The following ATF6B variants were observed in gnomAD, a reference collection of about 807,000 sequenced individuals.
The protein encoded by ATF6B is cyclic AMP-dependent transcription factor ATF-6 beta.
In ATF6B, 50 loss-of-function variants were observed where a neutral mutation model predicts 83.5. The observed-to-expected ratio is 0.60, with a 90% CI of 0.48 to 0.76. ATF6B has a LOEUF of 0.76. ATF6B is among the 30% of genes least tolerant of loss of function. The probability of loss-of-function intolerance (pLI) is 0.00; values close to 1 mark genes in which losing one functional copy is unlikely to be tolerated. For synonymous variants in ATF6B, 344 were observed against 362.8 expected, an observed-to-expected ratio of 0.95 and a Z score of 0.59; for missense variants, 790 against 893.8, an observed-to-expected ratio of 0.88 and a Z score of 1.48.
At chr6:32,126,870 A>G (rs1201513803) in intron 4 of ATF6B, among the ~76,000 whole-genome samples, 3 of 152,108 alleles carry the variant, frequency 2.0e-5, no homozygotes, top group Admixed American at 1.3e-4. Flanking sequence ...AAAAAAAAGC[A>G]AAAAACAAAA....
At chr6:32,126,382 G>T in intron 4 of ATF6B, 130 bp from the exon 5 acceptor site, 1 of 1,127,500 alleles carries the variant, frequency 8.9e-7, no homozygotes, top group Non-Finnish European at 1.2e-6. Flanking sequence ...TTGACATTCT[G>T]GTCTGAATGG....
chr6:32,127,933 C>T (rs1471552838), intron 1 of ATF6B, among the ~76,000 whole-genome samples, 183 bp from the exon 2 acceptor site: 2 of 152,122 alleles, frequency 1.3e-5, no homozygotes, highest in Admixed American at 1.3e-4. Flanking sequence ...CTCGACGTTC[C>T]AGCAGGGAGC....
chr6:32,118,926 G>T lies in ATF6B; in HGVS notation c.1152+30C>A. ...ATCATTCCAAGGAGGCTGTATTCCT[G>T]TTGGTCTCCCAGGGACAGACTGGTC... is the stretch of plus-strand genomic sequence containing the variant. On this transcript the variant is annotated intron_variant, in intron 10 of 17. Coordinates refer to ENST00000375203, the MANE Select transcript of ATF6B (RefSeq NM_004381.5). This position sits in a 1 kb window ranked among gnomAD's most constrained non-coding sequence, Gnocchi z 5.2. 1 of 1,614,158 alleles carries T rather than the reference G, an allele frequency of 6.2e-7. No homozygotes were observed. The highest frequency in any genetic ancestry group is 8.5e-7 in the Non-Finnish European group (1 of 1,179,998).
At chr6:32,127,351 C>T (rs915482197) in intron 3 of ATF6B, 91 bp downstream of exon 3, 2 of 1,443,706 alleles carry the variant, frequency 1.4e-6, no homozygotes, top group African/African-American at 1.4e-5. Flanking sequence ...TATGTAGAAG[C>T]GTGAGGATAT....
chr6:32,127,058 G>C, intron 4 of ATF6B, 45 bp downstream of exon 4: 1 of 1,439,730 alleles, frequency 6.9e-7, no homozygotes, highest in Non-Finnish European at 9.4e-7. Flanking sequence ...AGGGAATGAA[G>C]CAGAGTCCCC....
chr6:32,120,042 G>A, intron 8 of ATF6B, 85 bp from the exon 9 acceptor site: 2 of 1,494,710 alleles, frequency 1.3e-6, no homozygotes, highest in Non-Finnish European at 1.8e-6. Context: ...CCAAGGATTG[G>A]GCAGCCTCAA....
Position 32,121,316 on chromosome 6 carries a change from A to G in ATF6B, c.511T>C (p.Cys171Arg). Residue 171 changes from cysteine to arginine, a missense_variant, in exon 6 of 18, where the codon TGT (cysteine) becomes CGT (arginine). Cys to Arg is a radical substitution (Grantham distance 180, BLOSUM62 -3). Around this residue, in one of 3 missense-constraint regions of ATF6B, gnomAD observed 253 missense variants for 243.1 expected, o/e 1.04. Transcript: ENST00000375203. Reference protein sequence around the residue: ...VQTKIEPVSPCSSVNSEASLL... With the variant: ...VQTKIEPVSPRSSVNSEASLL... ...GAGGCCTCAGAGTTGACGGAAGAAC[A>G]TGGAGAGACAGGTTCTATCTTGGTC... 1.2e-6 allele frequency: 2 copies of G among 1,614,112 alleles called. No individual in the cohort carries two copies. Among genetic ancestry groups the G allele is most frequent in the Admixed American group, 1.7e-5 (1 of 60,018 alleles).
At position 32,117,940 on chromosome 6, in the gene ATF6B, A is replaced by C; in HGVS notation, c.1343T>G (p.Val448Gly). 1 of 1,612,294 alleles carries C rather than the reference A, an allele frequency of 6.2e-7. No individual in the cohort carries two copies. Residue 448 changes from valine (V) to glycine (G), a missense_variant, in exon 12 of 18, where the codon GTT (valine) becomes GGT (glycine). Physicochemically the swap from Val to Gly is moderately radical, Grantham distance 109. This residue lies in a region of ATF6B where 530 missense variants were observed against 632.6 expected (regional missense o/e 0.84). Coordinates refer to ENST00000375203, the MANE Select transcript of ATF6B (RefSeq NM_004381.5). The surrounding 1 kb of genome is among the most constrained non-coding windows in gnomAD (Gnocchi z 5.0). Reference sequence around the variant, plus strand: ...CCCCTGGAGAGGTTCAACTCCCTGAACTGGCTCTTGCTCTGAGAACCCCAG... The same window carrying C: ...CCCCTGGAGAGGTTCAACTCCCTGACCTGGCTCTTGCTCTGAGAACCCCAG... ...HLLGFSEQEP[V>G]QGVEPLQGSS...
chr6:32,125,516 C>T lies in ATF6B; in HGVS notation c.478+601G>A, dbSNP rs1167883343. Among the ~76,000 whole-genome samples, 4 of 152,272 alleles carry T rather than the reference C, an allele frequency of 2.6e-5. No homozygotes were observed. The highest frequency in any genetic ancestry group is 9.6e-5 in the African/African-American group (4 of 41,556). On this transcript the variant is annotated intron_variant, in intron 5 of 17. Coordinates refer to ENST00000375203, the MANE Select transcript of ATF6B (RefSeq NM_004381.5). This position sits in a 1 kb window ranked among gnomAD's most constrained non-coding sequence, Gnocchi z 4.1. ...ATGGCTCACGCCTGTAATCTCAGCA[C>T]TTTGGGAGGCGGAGGTAGGCGACTC...
Position 32,120,914 on chromosome 6 carries a change from T to C in ATF6B, c.701-12A>G, listed in dbSNP as rs1251615346. 2 of 1,524,978 alleles carry C rather than the reference T, an allele frequency of 1.3e-6. No homozygotes were observed. Among genetic ancestry groups the C allele is most frequent in the South Asian group, 1.3e-5 (1 of 76,766 alleles). 94.5% of individuals were successfully genotyped at this position (1,524,978 alleles called of 1,614,324 possible). A position where few individuals can be genotyped will look rare whatever the true frequency, so the allele number is the denominator to read the frequency against. On this transcript the variant is annotated splice_polypyrimidine_tract_variant and intron_variant, in intron 7 of 17. Coordinates refer to ENST00000375203, the MANE Select transcript of ATF6B (RefSeq NM_004381.5). ...GGGCAGGGCTTTGCCTGAAGGAAGG[T>C]GAGAGAAAAGAACAAGAAATGTCAG...
At position 32,120,854 on chromosome 6, in the gene ATF6B, A is replaced by C; in HGVS notation, c.749T>G (p.Val250Gly). The C allele has an allele frequency of 6.3e-7, 1 of 1,579,966 alleles. No homozygotes were observed. Among genetic ancestry groups the C allele is most frequent in the Non-Finnish European group, 8.6e-7 (1 of 1,163,890 alleles). ...GGATGGCATTGGGACAGTGGTTAGC[A>C]CTACAGGTTTGGGCTGCAGTGGCGG... ...RKPPLQPKPV[V>G]LTTVPMPSRA... Residue 250 changes from valine to glycine, a missense_variant, in exon 8 of 18, where the codon GTG becomes GGG. By Grantham distance (109) the Val-to-Gly change is moderately radical. This residue lies in a region of ATF6B where 530 missense variants were observed against 632.6 expected (regional missense o/e 0.84). Transcript: ENST00000375203.
Position 32,116,429 on chromosome 6 carries a change from G to A in ATF6B, c.1882+51C>T. 8 of 1,551,008 alleles carry A rather than the reference G, an allele frequency of 5.2e-6. No homozygotes were observed. Among genetic ancestry groups the A allele is most frequent in the Non-Finnish European group, 7.1e-6 (8 of 1,131,650 alleles). On this transcript the variant is annotated intron_variant, in intron 17 of 17. Transcript: ENST00000375203. The surrounding 1 kb of genome is among the most constrained non-coding windows in gnomAD (Gnocchi z 5.1). Reference sequence around the variant, plus strand: ...CTCCCCCTTCCCCCTCAGCTCCCAGGCTGGATCTCCCTGTTGGAACTGCCC... The same window carrying A: ...CTCCCCCTTCCCCCTCAGCTCCCAGACTGGATCTCCCTGTTGGAACTGCCC...
chr6:32,127,237 A>C (rs753142897), intron 3 of ATF6B, 43 bp from the exon 4 acceptor site: 1 of 1,546,466 alleles, frequency 6.5e-7, no homozygotes, highest in South Asian at 1.2e-5. Flanking sequence ...GCAGAGCTTA[A>C]GAAGAGTCCA....
chr6:32,126,079 T>C, intron 5 of ATF6B, 38 bp downstream of exon 5: 1 of 1,612,876 alleles, frequency 6.2e-7, no homozygotes, highest in Non-Finnish European at 8.5e-7. Context: ...CATTCTCCCG[T>C]AGTAGAGCCA....
intron 5 of ATF6B, 90 bp from the exon 6 acceptor site, chr6:32,121,438 C>T (rs1781764329): frequency 1.5e-6 from 2 of 1,304,404 alleles, no homozygotes; most frequent in African/African-American, 1.5e-5. Context: ...CATGGTGGCT[C>T]ACGCCTGTAA....
intron 5 of ATF6B, among the ~76,000 whole-genome samples, chr6:32,123,057 T>C (rs1781827406): frequency 6.6e-6 from 1 of 151,126 alleles, no homozygotes; most frequent in Non-Finnish European, 1.5e-5. Flanking sequence ...CAAAACCCTG[T>C]CTCTACCAAA....
Position 32,118,244 on chromosome 6 carries a change from A to G in ATF6B, c.1245-206T>C, listed in dbSNP as rs1236146380. On this transcript the variant is annotated intron_variant, in intron 11 of 17. Coordinates refer to ENST00000375203, the MANE Select transcript of ATF6B (RefSeq NM_004381.5). This position sits in a 1 kb window ranked among gnomAD's most constrained non-coding sequence, Gnocchi z 5.2. Reference sequence around the variant, plus strand: ...GAGCCTAGAACTCAGTAAGCACTTAATAGTCACTATTTCTACCAGCATTAT... The same window carrying G: ...GAGCCTAGAACTCAGTAAGCACTTAGTAGTCACTATTTCTACCAGCATTAT... 3.3e-5 allele frequency among the ~76,000 whole-genome samples: 5 copies of G among 152,186 alleles called. No individual in the cohort carries two copies. The highest frequency in any genetic ancestry group is 1.2e-4 in the African/African-American group (5 of 41,428).
Position 32,118,245 on chromosome 6 carries a change from T to A in ATF6B, c.1245-207A>T, listed in dbSNP as rs1781611475. ...AGCCTAGAACTCAGTAAGCACTTAA[T>A]AGTCACTATTTCTACCAGCATTATC... On this transcript the variant is annotated intron_variant, in intron 11 of 17. Transcript: ENST00000375203. This position sits in a 1 kb window ranked among gnomAD's most constrained non-coding sequence, Gnocchi z 5.2. Among the ~76,000 whole-genome samples the A allele has an allele frequency of 6.6e-6, 1 of 152,170 alleles. No homozygotes were observed. The highest frequency in any genetic ancestry group is 2.1e-4 in the South Asian group (1 of 4,826).
chr6:32,116,416 C>G lies in ATF6B; in HGVS notation c.1882+64G>C. ...ATGCCCTGCTCCTCTCCCCCTTCCC[C>G]CTCAGCTCCCAGGCTGGATCTCCCT... On this transcript the variant is annotated intron_variant, in intron 17 of 17. Transcript: ENST00000375203. The surrounding 1 kb of genome is among the most constrained non-coding windows in gnomAD (Gnocchi z 5.1). 1.3e-6 allele frequency: 2 copies of G among 1,494,770 alleles called. No individual in the cohort carries two copies. Among genetic ancestry groups the G allele is most frequent in the Non-Finnish European group, 1.8e-6 (2 of 1,092,420 alleles). The allele number at this position is 1,494,770 out of a possible 1,614,324, so 92.6% of individuals were successfully genotyped here.
Sources: gnomAD v4.1 joint callset for allele counts (sites outside exome capture counted in the v4.1 genomes callset) on GRCh38, gnomAD v4.1.1 for gene constraint, gnomAD v4.1.1 regional missense constraint, Gnocchi (gnomAD v3.1) non-coding constraint, MANE v1.5 for transcripts, NCBI Gene and HGNC (gene_info 2026-07-23, HGNC 2026-07-21) for gene names.